ABL2: variants seen among roughly 807,000 people sequenced by gnomAD.
The protein encoded by ABL2 is ABL proto-oncogene 2, non-receptor tyrosine kinase, also known as tyrosine-protein kinase ABL2.
In ABL2, 49 loss-of-function variants were observed where a neutral mutation model predicts 107.7. The ratio of observed to expected loss-of-function variants is 0.45; its 90% CI spans 0.36 to 0.58. The LOEUF is 0.58. ABL2 is among the 20% of genes least tolerant of loss of function. ABL2 has a pLI of 0.00. For missense variants in ABL2, 1,245 were observed against 1,457.0 expected (o/e 0.85, Z 2.37); for synonymous variants, 549 against 548.6 (o/e 1.00, Z -0.01).
At chr1:179,139,472 C>T (rs550094053) in intron 1 of ABL2, among the ~76,000 whole-genome samples, 20 of 152,320 alleles carry the variant, frequency 1.3e-4, no homozygotes, top group Non-Finnish European at 2.1e-4. Flanking sequence ...CGAGGGTCTG[C>T]GGCTTCATTC....
chr1:179,191,342 C>CAATT, intron 1 of ABL2, among the ~76,000 whole-genome samples: 1 of 151,312 alleles, frequency 6.6e-6, no homozygotes, highest in South Asian at 2.1e-4. Flanking sequence ...TATACTTTTC[C>CAATT]AATTCTTCTA....
Position 179,108,041 on chromosome 1 carries a change from C to A in ABL2, c.3226G>T (p.Ala1076Ser), listed in dbSNP as rs776258704. 3.1e-6 allele frequency: 5 copies of A among 1,614,092 alleles called. No individual in the cohort carries two copies. Among genetic ancestry groups the A allele is most frequent in the East Asian group, 4.5e-5 (2 of 44,898 alleles). Residue 1076 changes from alanine (A) to serine (S), a missense_variant, in exon 12 of 12, where the codon GCT (alanine) becomes TCT (serine). This residue lies in a region of ABL2 where 761 missense variants were observed against 766.4 expected (regional missense o/e 0.99). Coordinates refer to ENST00000502732, the MANE Select transcript of ABL2 (RefSeq NM_007314.4). ...KVALRKTKQA[A>S]EKISADKISK... ...ATTTTGTCTGCTGAGATTTTCTCAGCGGCCTGTTTGGTTTTTCTCAGAGCC... is the reference window on the plus strand; with the variant it reads ...ATTTTGTCTGCTGAGATTTTCTCAGAGGCCTGTTTGGTTTTTCTCAGAGCC...
At chr1:179,222,625 G>A (rs564724423) in intron 1 of ABL2, among the ~76,000 whole-genome samples, 4 of 151,906 alleles carry the variant, frequency 2.6e-5, no homozygotes, top group South Asian at 2.1e-4. Context: ...TCCTGATCTC[G>A]TCATCCACCC....
intron 1 of ABL2, among the ~76,000 whole-genome samples, chr1:179,174,895 C>CAAAAAA (rs1161355678): frequency 8.9e-5 from 3 of 33,664 alleles, no homozygotes; most frequent in Non-Finnish European, 1.9e-4. Flanking sequence ...GACTCTGTCT[C>CAAAAAA]AAAAAAAAAA....
At chr1:179,156,631 T>C (rs1305997772) in intron 1 of ABL2, among the ~76,000 whole-genome samples, 1 of 152,142 alleles carries the variant, frequency 6.6e-6, no homozygotes, top group African/African-American at 2.4e-5. Flanking sequence ...TCCCAGCACT[T>C]TGGGAGGCCA....
At chr1:179,192,285 A>C (rs1661070635) in intron 1 of ABL2, among the ~76,000 whole-genome samples, 1 of 152,164 alleles carries the variant, frequency 6.6e-6, no homozygotes, top group Non-Finnish European at 1.5e-5. Context: ...ACCACTCTCT[A>C]GCTGTTTCCT....
At chr1:179,173,312 C>T (rs1659837354) in intron 1 of ABL2, among the ~76,000 whole-genome samples, 1 of 149,744 alleles carries the variant, frequency 6.7e-6, no homozygotes, top group Non-Finnish European at 1.5e-5. Flanking sequence ...ATAGCTCATA[C>T]AATTAGAATA....
At chr1:179,123,478 G>C (rs9729199) in intron 4 of ABL2, among the ~76,000 whole-genome samples, 98,908 of 151,366 alleles carry the variant, frequency 0.65, 32,692 homozygotes, top group Middle Eastern at 0.75. Flanking sequence ...GCATTCTAGA[G>C]TGGGTGACAG....
chr1:179,229,632 A>ACGCCGCCGCCGCCGC lies in ABL2; in HGVS notation c.-250_-236dup, dbSNP rs3046363. 555 of 451,796 alleles carry ACGCCGCCGCCGCCGC rather than the reference A, an allele frequency of 1.2e-3. 3 individuals carry two copies. Among genetic ancestry groups the ACGCCGCCGCCGCCGC allele is most frequent in the South Asian group, 2.0e-3 (60 of 30,192 alleles). The allele number at this position is 451,796 out of a possible 1,614,324, so 28.0% of individuals were successfully genotyped here. A position where few individuals can be genotyped will look rare whatever the true frequency, so the allele number is the denominator to read the frequency against. ...CTCCTGTCGCGGCTCCGCGCCCCCA[A>ACGCCGCCGCCGCCGC]CGCCGCCGCCGCCGCCGCCGCCACC... On this transcript the variant is annotated 5_prime_UTR_variant, in exon 1 of 12. Transcript: ENST00000502732.
chr1:179,188,561 T>C (rs1047699027), intron 1 of ABL2, among the ~76,000 whole-genome samples: 1 of 151,942 alleles, frequency 6.6e-6, no homozygotes, highest in Non-Finnish European at 1.5e-5. Flanking sequence ...AAAATAAAAT[T>C]AAAACAGCAC....
At chr1:179,130,341 C>T (rs1026486312) in intron 3 of ABL2, among the ~76,000 whole-genome samples, 7 of 152,256 alleles carry the variant, frequency 4.6e-5, no homozygotes, top group African/African-American at 1.7e-4. Context: ...GAGGACTGTT[C>T]ATTCATTACT....
At chr1:179,162,859 T>C (rs898893982) in intron 1 of ABL2, among the ~76,000 whole-genome samples, 7 of 152,208 alleles carry the variant, frequency 4.6e-5, no homozygotes, top group Non-Finnish European at 8.8e-5. Flanking sequence ...AGGTGAATTA[T>C]AGCAGAACCC....
At chr1:179,163,152 A>C (rs1374671064) in intron 1 of ABL2, among the ~76,000 whole-genome samples, 1 of 152,242 alleles carries the variant, frequency 6.6e-6, no homozygotes, top group Non-Finnish European at 1.5e-5. Flanking sequence ...AACAGCCATT[A>C]AGAAAATACA....
At chr1:179,175,958 C>G (rs998701265) in intron 1 of ABL2, among the ~76,000 whole-genome samples, 10 of 150,976 alleles carry the variant, frequency 6.6e-5, no homozygotes, top group Admixed American at 2.0e-4. Flanking sequence ...CGGGCTCAAG[C>G]AATTCTCCTG....
At chr1:179,152,161 C>A (rs1222262329) in intron 1 of ABL2, among the ~76,000 whole-genome samples, 2 of 152,140 alleles carry the variant, frequency 1.3e-5, no homozygotes, top group African/African-American at 4.8e-5. Context: ...AATGTGTGTT[C>A]AACATTTACT....
chr1:179,229,167 T>TGCCCCCCCCCCCCC, intron 1 of ABL2, 74 bp downstream of exon 1: 104 of 402,550 alleles, frequency 2.6e-4, no homozygotes, highest in Middle Eastern at 8.3e-4. Flanking sequence ...GGGCAGCCCG[T>TGCCCCCCCCCCCCC]CCGCCACCCA....
intron 3 of ABL2, among the ~76,000 whole-genome samples, chr1:179,128,515 C>T (rs780907467): frequency 5.9e-5 from 9 of 152,058 alleles, no homozygotes; most frequent in Non-Finnish European, 1.0e-4. Flanking sequence ...AACAGGCTAT[C>T]ATAATTAAGA....
intron 3 of ABL2, among the ~76,000 whole-genome samples, chr1:179,130,499 C>T (rs992615323): frequency 2.0e-5 from 3 of 152,204 alleles, no homozygotes; most frequent in African/African-American, 7.2e-5. Flanking sequence ...CACATTCTGG[C>T]ATAAGCATCT....
chr1:179,147,181 C>CAAAAAAAAAAAAAA lies in ABL2; in HGVS notation c.158-13821_158-13808dup. ...CCAATCACTAATCATCAGAGAAATG[C>CAAAAAAAAAAAAAA]AAAAAAAAAAAAAAAAAAAAAAAAA... is the stretch of plus-strand genomic sequence containing the variant. On this transcript the variant is annotated intron_variant, in intron 1 of 11. Coordinates refer to ENST00000502732, the MANE Select transcript of ABL2 (RefSeq NM_007314.4). Among the ~76,000 whole-genome samples the CAAAAAAAAAAAAAA allele has an allele frequency of 1.4e-3, 73 of 50,536 alleles. 11 individuals carry two copies. The highest frequency in any genetic ancestry group is 2.6e-3 in the African/African-American group (35 of 13,242). 33.2% of individuals were successfully genotyped at this position (50,536 alleles called of 152,430 possible). A position where few individuals can be genotyped will look rare whatever the true frequency, so the allele number is the denominator to read the frequency against.
Sources: gnomAD v4.1 joint callset for allele counts (sites outside exome capture counted in the v4.1 genomes callset) on GRCh38, gnomAD v4.1.1 for gene constraint, gnomAD v4.1.1 regional missense constraint, MANE v1.5 for transcripts, NCBI Gene and HGNC (gene_info 2026-07-23, HGNC 2026-07-21) for gene names.